SNTG1: variants seen among roughly 807,000 people sequenced by gnomAD.
SNTG1 encodes the protein gamma-1-syntrophin.
Under a neutral mutation model 74.7 loss-of-function variants are expected in SNTG1, and 39 were observed. The observed-to-expected ratio is 0.52, with a 90% CI of 0.40 to 0.68. SNTG1 has a LOEUF of 0.68. Ranked by LOEUF, SNTG1 falls within the 30% of genes least tolerant of loss-of-function variation. SNTG1 has a pLI of 0.00. For synonymous variants in SNTG1, 254 were observed against 217.1 expected (o/e 1.17, Z -1.49); for missense variants, 685 against 609.5 (o/e 1.12, Z -1.30).
chr8:50,410,299 C>A (rs1294887152), intron 4 of SNTG1, among the ~76,000 whole-genome samples: 2 of 152,176 alleles, frequency 1.3e-5, no homozygotes, highest in East Asian at 3.9e-4. Flanking sequence ...CTTTTTCCCA[C>A]ATCACAGAGC....
At chr8:50,419,012 T>TA (rs548941203) in intron 4 of SNTG1, among the ~76,000 whole-genome samples, 1,660 of 151,946 alleles carry the variant, frequency 0.011, 12 homozygotes, top group Non-Finnish European at 0.018. Context: ...TATTATCTTT[T>TA]AAAAAAAATA....
At chr8:50,447,049 ATGT>A in intron 5 of SNTG1, among the ~76,000 whole-genome samples, 1 of 152,292 alleles carries the variant, frequency 6.6e-6, no homozygotes, top group Middle Eastern at 3.4e-3. Flanking sequence ...CTCTCACAAA[ATGT>A]TGTATTGTAC....
chr8:50,594,057 AC>A (rs2094710602), intron 13 of SNTG1, among the ~76,000 whole-genome samples: 1 of 152,152 alleles, frequency 6.6e-6, no homozygotes, highest in Admixed American at 6.5e-5. Flanking sequence ...CTGAAATTAA[AC>A]TTGCCCTGGT....
In SNTG1 at chr8:50,109,870, T is replaced by C. The variant is rs545483029; in HGVS notation, c.-102-62691T>C. On this transcript the variant is annotated intron_variant, in intron 1 of 18. Coordinates refer to ENST00000642720, the MANE Select transcript of SNTG1 (RefSeq NM_018967.5). ...CCTGAGAGTCTGCATGGGCTTTTTATAATGTTGGATTGTTCTGGAAGTTCC... is the reference window on the plus strand; with the variant it reads ...CCTGAGAGTCTGCATGGGCTTTTTACAATGTTGGATTGTTCTGGAAGTTCC... Among the ~76,000 whole-genome samples, 7 of 152,322 alleles carry C rather than the reference T, an allele frequency of 4.6e-5. No individual in the cohort carries two copies. In the East Asian group the frequency reaches 1.2e-3, roughly 25 times the overall value.
At chr8:50,182,416 GCAGGGTATAAA>G (rs1463862334) in intron 2 of SNTG1, among the ~76,000 whole-genome samples, 11 of 151,988 alleles carry the variant, frequency 7.2e-5, no homozygotes, top group Admixed American at 2.0e-4. Flanking sequence ...TTTTTATATT[GCAGGGTATAAA>G]CACTATAAGA....
intron 1 of SNTG1, among the ~76,000 whole-genome samples, chr8:49,957,420 C>G (rs1027008075): frequency 6.6e-6 from 1 of 152,074 alleles, no homozygotes; most frequent in Non-Finnish European, 1.5e-5. Context: ...TGTTCCTTTA[C>G]TTCATTATTG....
intron 2 of SNTG1, among the ~76,000 whole-genome samples, chr8:50,184,177 A>T (rs375772403): frequency 3.3e-5 from 5 of 151,710 alleles, no homozygotes; most frequent in Admixed American, 6.6e-5. Context: ...TATTATTATT[A>T]TTTTTTGAGA....
chr8:49,938,607 C>CTTTTTTTTT (rs60669251), intron 1 of SNTG1, among the ~76,000 whole-genome samples: 1 of 27,876 alleles, frequency 3.6e-5, no homozygotes, highest in African/African-American at 9.4e-5. Context: ...CTTTTCTTTT[C>CTTTTTTTTT]TTTCTTTCTT....
At chr8:50,181,934 G>A (rs2083220187) in intron 2 of SNTG1, among the ~76,000 whole-genome samples, 1 of 152,088 alleles carries the variant, frequency 6.6e-6, no homozygotes, top group East Asian at 1.9e-4. Flanking sequence ...ACCAAGCAAA[G>A]AAACAGTTCC....
At chr8:50,419,335 C>T (rs2093052744) in intron 4 of SNTG1, among the ~76,000 whole-genome samples, 1 of 152,188 alleles carries the variant, frequency 6.6e-6, no homozygotes, top group Non-Finnish European at 1.5e-5. Context: ...AAAACTTAGA[C>T]TTATACCCTC....
chr8:50,251,672 TACA>T (rs1272480641), intron 2 of SNTG1, among the ~76,000 whole-genome samples: 4 of 151,950 alleles, frequency 2.6e-5, no homozygotes, highest in African/African-American at 7.2e-5. Context: ...AACAAGAATT[TACA>T]ACAATTATGA....
At chr8:50,786,477 C>T (rs914985590) in intron 18 of SNTG1, among the ~76,000 whole-genome samples, 2 of 151,864 alleles carry the variant, frequency 1.3e-5, no homozygotes, top group Admixed American at 6.6e-5. Flanking sequence ...CATCAAAATG[C>T]CAACTGCCTT....
chr8:50,276,401 ATATATAT>A (rs2088111515), intron 2 of SNTG1, among the ~76,000 whole-genome samples: 3 of 102,456 alleles, frequency 2.9e-5, no homozygotes, highest in Admixed American at 1.1e-4. Flanking sequence ...ATATATATAT[ATATATAT>A]AAATCATATA....
intron 2 of SNTG1, among the ~76,000 whole-genome samples, chr8:50,174,646 T>C (rs1465672093): frequency 1.3e-5 from 2 of 152,200 alleles, no homozygotes; most frequent in African/African-American, 4.8e-5. Flanking sequence ...TAGTTAAATA[T>C]GTACTTCAAA....
At chr8:49,988,820 T>C (rs1813412671) in intron 1 of SNTG1, among the ~76,000 whole-genome samples, 1 of 151,754 alleles carries the variant, frequency 6.6e-6, no homozygotes, top group African/African-American at 2.4e-5. Context: ...TTAAAGAACA[T>C]TTCAAATGAG....
intron 1 of SNTG1, among the ~76,000 whole-genome samples, chr8:49,972,189 C>G (rs868300664): frequency 2.0e-5 from 3 of 152,236 alleles, no homozygotes; most frequent in Middle Eastern, 3.4e-3. Context: ...TGTAACAGAA[C>G]AGAGCCCTCA....
In SNTG1 at chr8:50,428,492, G is replaced by A. The variant is rs137948894; in HGVS notation, c.163-10051G>A. Among the ~76,000 whole-genome samples the A allele has an allele frequency of 3.0e-3, 463 of 152,260 alleles. 1 individual carries two copies. The highest frequency in any genetic ancestry group is 0.011 in the African/African-American group (447 of 41,552). On this transcript the variant is annotated intron_variant, in intron 4 of 18. Coordinates refer to ENST00000642720, the MANE Select transcript of SNTG1 (RefSeq NM_018967.5). ...TTTGCAGAAACAAAAGTGGAATTGT[G>A]CAATTTTCAATTCTTTGCAAAGCTA...
In SNTG1 at chr8:50,425,135, G is replaced by A. The variant is rs548279935; in HGVS notation, c.163-13408G>A. Among the ~76,000 whole-genome samples, 19 of 152,172 alleles carry A rather than the reference G, an allele frequency of 1.2e-4. No homozygotes were observed. The South Asian group carries it at 2.3e-3, about 18-fold the overall frequency. On this transcript the variant is annotated intron_variant, in intron 4 of 18. Coordinates refer to ENST00000642720, the MANE Select transcript of SNTG1 (RefSeq NM_018967.5). ...AAGAAATGGCACAAGATTTGCGTCC[G>A]GGCAGGTGAAAGCTAAGTGGAGATA...
At chr8:50,237,465 A>G (rs4585762) in intron 2 of SNTG1, among the ~76,000 whole-genome samples, 135,914 of 152,164 alleles carry the variant, frequency 0.89, 62,196 homozygotes, top group East Asian at 1. Context: ...GCATTTTGAG[A>G]TGACATTCAC....
Sources: gnomAD v4.1 joint callset for allele counts (sites outside exome capture counted in the v4.1 genomes callset) on GRCh38, gnomAD v4.1.1 for gene constraint, MANE v1.5 for transcripts, NCBI Gene and HGNC (gene_info 2026-07-23, HGNC 2026-07-21) for gene names.